COL6A6: variants seen among roughly 807,000 people sequenced by gnomAD.
COL6A6 encodes collagen alpha-6(VI) chain.
A neutral mutation model predicts 208.6 loss-of-function variants in COL6A6; 183 were observed. The observed-to-expected ratio is 0.88, with a 90% CI of 0.78 to 0.99. COL6A6 has a LOEUF of 0.99. COL6A6 is among the 50% of genes least tolerant of loss of function. The pLI is 0.00. For missense variants in COL6A6, 2,816 were observed against 2,815.2 expected, an observed-to-expected ratio of 1.00 and a Z score of -0.01; for synonymous variants, 973 against 1,011.8, an observed-to-expected ratio of 0.96 and a Z score of 0.73.
Position 130,675,329 on chromosome 3 carries a change from A to C in COL6A6, c.6724A>C (p.Met2242Leu). The C allele has an allele frequency of 6.2e-7, 1 of 1,600,906 alleles. No individual in the cohort carries two copies. Residue 2242 changes from methionine (M) to leucine (L), a missense_variant, in exon 37 of 37, where the codon ATG becomes CTG. Transcript: ENST00000358511. Reference protein sequence around the residue: ...SGRDDAIQNFMRSTSHTFKNG... With the variant: ...SGRDDAIQNFLRSTSHTFKNG... ...CAGAGATGATGCTATTCAAAATTTTATGAGAAGCACCTCCCATACCTTTAA... is the reference window on the plus strand; with the variant it reads ...CAGAGATGATGCTATTCAAAATTTTCTGAGAAGCACCTCCCATACCTTTAA...
chr3:130,672,054 G>C (rs573935705), intron 36 of COL6A6, among the ~76,000 whole-genome samples: 5 of 152,202 alleles, frequency 3.3e-5, no homozygotes, highest in Non-Finnish European at 4.4e-5. Context: ...ACGTTTTCTG[G>C]GCACACCAAA....
At chr3:130,620,058 C>T (rs540173511) in intron 23 of COL6A6, among the ~76,000 whole-genome samples, 1 of 152,278 alleles carries the variant, frequency 6.6e-6, no homozygotes, top group South Asian at 2.1e-4. Context: ...CCTCAGCCTT[C>T]CAAGTAGTTG....
At position 130,641,655 on chromosome 3, in the gene COL6A6, T is replaced by C; in HGVS notation, c.5095T>C (p.Ser1699Pro). 1 of 1,574,042 alleles carries C rather than the reference T, an allele frequency of 6.4e-7. No individual in the cohort carries two copies. Among genetic ancestry groups the C allele is most frequent in the South Asian group, 1.1e-5 (1 of 88,510 alleles). ...GLKGARGKMI[S>P]AGLPGEMGSP... is the part of the protein sequence containing the mutation. ...TTAAAATAAATTCTCCTTTGAGATATCTGCTGGGCTTCCAGGAGAGATGGG... is the reference window on the plus strand; with the variant it reads ...TTAAAATAAATTCTCCTTTGAGATACCTGCTGGGCTTCCAGGAGAGATGGG... The change falls in exon 29 of 37, where the codon TCT (serine) becomes CCT (proline). Residue 1699 changes from serine (S) to proline (P), a missense_variant. Transcript: ENST00000358511.
At chr3:130,576,689 T>C (rs2063306442) in intron 8 of COL6A6, among the ~76,000 whole-genome samples, 1 of 152,082 alleles carries the variant, frequency 6.6e-6, no homozygotes, top group South Asian at 2.1e-4. Flanking sequence ...AAAAATACTC[T>C]ATATTAAGAT....
chr3:130,537,671 T>C (rs996873359), intron 1 of COL6A6, among the ~76,000 whole-genome samples: 3 of 152,208 alleles, frequency 2.0e-5, no homozygotes, highest in African/African-American at 7.2e-5. Flanking sequence ...TATTCAAGAG[T>C]ACCAGTTAAA....
intron 1 of COL6A6, among the ~76,000 whole-genome samples, chr3:130,519,388 C>T (rs1710936142): frequency 6.6e-6 from 1 of 152,112 alleles, no homozygotes; most frequent in South Asian, 2.1e-4. Context: ...TAAAAGTGAT[C>T]CAGACTAATG....
intron 15 of COL6A6, 121 bp from the exon 16 acceptor site, chr3:130,592,940 C>T (rs962984347): frequency 1.0e-6 from 1 of 952,962 alleles, no homozygotes; most frequent in African/African-American, 1.6e-5. Flanking sequence ...ATATTAATAA[C>T]CCAGGCCCAG....
At chr3:130,520,393 A>C (rs1416673499) in intron 1 of COL6A6, among the ~76,000 whole-genome samples, 2 of 152,196 alleles carry the variant, frequency 1.3e-5, no homozygotes, top group African/African-American at 4.8e-5. Flanking sequence ...CTTATTCTCA[A>C]TTCCTCTTCT....
intron 20 of COL6A6, among the ~76,000 whole-genome samples, chr3:130,602,101 G>A (rs1225876437): frequency 6.6e-6 from 1 of 152,158 alleles, no homozygotes; most frequent in Admixed American, 6.5e-5. Context: ...TAGCAACCAA[G>A]GCCATGGAGG....
chr3:130,586,665 G>C lies in COL6A6; in HGVS notation c.4125+5G>C, dbSNP rs775295688. 6 of 1,610,430 alleles carry C rather than the reference G, an allele frequency of 3.7e-6. No homozygotes were observed. Among genetic ancestry groups the C allele is most frequent in the Non-Finnish European group, 5.1e-6 (6 of 1,178,674 alleles). ...AGCCGGCTGTCAAAGCAGCTGGTAAGTTATTCTGAAAAGGCTGGTGAGCTT... is the reference window on the plus strand; with the variant it reads ...AGCCGGCTGTCAAAGCAGCTGGTAACTTATTCTGAAAAGGCTGGTGAGCTT... On this transcript the variant is annotated splice_donor_5th_base_variant and intron_variant, in intron 11 of 36. Coordinates refer to ENST00000358511, the MANE Select transcript of COL6A6 (RefSeq NM_001102608.3).
chr3:130,619,676 C>CCT (rs1490848401), intron 23 of COL6A6, among the ~76,000 whole-genome samples: 2 of 151,970 alleles, frequency 1.3e-5, no homozygotes, highest in Admixed American at 6.6e-5. Flanking sequence ...GCAAGATGGG[C>CCT]CTGAAGGCAA....
At chr3:130,556,268 TTTATCTTCATGA>T (rs1359278660) in intron 1 of COL6A6, among the ~76,000 whole-genome samples, 1 of 152,220 alleles carries the variant, frequency 6.6e-6, no homozygotes, top group Non-Finnish European at 1.5e-5. Flanking sequence ...TTTTTTAATA[TTTATCTTCATGA>T]GTGAAATGGG....
At chr3:130,610,428 G>T (rs558767376) in intron 22 of COL6A6, among the ~76,000 whole-genome samples, 1 of 152,242 alleles carries the variant, frequency 6.6e-6, no homozygotes, top group Non-Finnish European at 1.5e-5. Flanking sequence ...CAGTCAGTTT[G>T]ACTGCAGATC....
intron 32 of COL6A6, 34 bp from the exon 33 acceptor site, chr3:130,649,035 A>G (rs1224825173): frequency 7.1e-7 from 1 of 1,401,914 alleles, no homozygotes; most frequent in South Asian, 1.8e-5. Flanking sequence ...TTTTTAAATA[A>G]GGATGCTATG....
Position 130,634,212 on chromosome 3 carries a change from AAT to A in COL6A6, c.4993-376_4993-375del, listed in dbSNP as rs1342214510. On this transcript the variant is annotated intron_variant, in intron 26 of 36. Transcript: ENST00000358511. ...CAAGCTATAAAATGTTAAAAAAAAAAATAAATAAATAAATAAATAAATAAATA... is the reference window on the plus strand; with the variant it reads ...CAAGCTATAAAATGTTAAAAAAAAAAAAATAAATAAATAAATAAATAAATA... Among the ~76,000 whole-genome samples the A allele has an allele frequency of 4.0e-3, 212 of 53,446 alleles. 44 individuals carry two copies. In the African/African-American group the frequency reaches 0.058, roughly 15 times the overall value. The allele number at this position is 53,446 out of a possible 152,430, so 35.1% of individuals were successfully genotyped here. A position where few individuals can be genotyped will look rare whatever the true frequency, so the allele number is the denominator to read the frequency against.
Position 130,641,975 on chromosome 3 carries a change from C to T in COL6A6, c.5154+261C>T, listed in dbSNP as rs146439911. Among the ~76,000 whole-genome samples the T allele has an allele frequency of 3.3e-3, 505 of 152,270 alleles. 2 individuals carry two copies. The highest frequency in any genetic ancestry group is 0.011 in the African/African-American group (471 of 41,554). On this transcript the variant is annotated intron_variant, in intron 29 of 36. Transcript: ENST00000358511. ...AACTAAAATGGTATTTCTCAATTAT[C>T]ATATTCTGTATCTGTTCAATCTTTC...
intron 8 of COL6A6, among the ~76,000 whole-genome samples, chr3:130,577,697 G>A (rs1388871059): frequency 1.3e-5 from 2 of 152,202 alleles, no homozygotes; most frequent in Non-Finnish European, 2.9e-5. Context: ...GAGATCTTGG[G>A]CAAGCTTCTC....
At chr3:130,558,608 C>T (rs1195542547) in intron 1 of COL6A6, among the ~76,000 whole-genome samples, 1 of 152,182 alleles carries the variant, frequency 6.6e-6, no homozygotes, top group East Asian at 1.9e-4. Flanking sequence ...ATCCTTCACT[C>T]AATACCGATT....
intron 1 of COL6A6, among the ~76,000 whole-genome samples, chr3:130,545,256 C>G (rs1479434340): frequency 2.0e-5 from 3 of 152,112 alleles, no homozygotes; most frequent in Non-Finnish European, 2.9e-5. Flanking sequence ...ACCATTTCTC[C>G]AGCACTATTT....
Sources: gnomAD v4.1 joint callset for allele counts (sites outside exome capture counted in the v4.1 genomes callset) on GRCh38, gnomAD v4.1.1 for gene constraint, MANE v1.5 for transcripts, NCBI Gene and HGNC (gene_info 2026-07-23, HGNC 2026-07-21) for gene names.